The following MAGEB3 variants were observed in gnomAD, a reference collection of about 807,000 sequenced individuals.
MAGEB3 encodes melanoma-associated antigen B3.
For missense variants in MAGEB3, 191 were observed against 262.4 expected (o/e 0.73, Z 1.88); for synonymous variants, 91 against 93.0 (o/e 0.98, Z 0.12).
intron 1 of MAGEB3, among the ~76,000 whole-genome samples, chrX:30,231,092 C>G (rs1175623917): frequency 1.9e-5 from 2 of 107,515 alleles, no homozygotes; most frequent in African/African-American, 6.8e-5. Context: ...GGCGAGTGAA[C>G]TGTTTGGGCC....
chrX:30,236,276 T>C lies in MAGEB3; in HGVS notation c.352T>C (p.Leu118=), dbSNP rs1288642714. 3.3e-6 allele frequency: 4 copies of C among 1,208,074 alleles called. No individual in the cohort carries two copies. In the Admixed American group the frequency reaches 8.8e-5, roughly 26 times the overall value. Residue 118 remains leucine, a synonymous_variant, in exon 5 of 5, where the codon TTG becomes CTG. Coordinates refer to ENST00000361644, the MANE Select transcript of MAGEB3 (RefSeq NM_002365.5). The part of the protein sequence containing the change: ...TDPLIMKTNM[L]VQFLMEMYKM... ...CCCTCTAATCATGAAGACAAATATG[T>C]TGGTGCAGTTCCTGATGGAAATGTA...
chrX:30,233,216 A>G (rs757547924), intron 3 of MAGEB3, 46 bp from the exon 4 acceptor site: 23 of 100,635 alleles, frequency 2.3e-4, no homozygotes, highest in South Asian at 2.0e-3. Flanking sequence ...AAATAAATAA[A>G]TAAATAAATA....
At chrX:30,235,461 C>T (rs910180237) in intron 4 of MAGEB3, among the ~76,000 whole-genome samples, 2 of 111,199 alleles carry the variant, frequency 1.8e-5, no homozygotes, top group Non-Finnish European at 3.8e-5. Flanking sequence ...CATTCCTTCA[C>T]CTCCTCTTAG....
chrX:30,235,457 T>C (rs981350471), intron 4 of MAGEB3, among the ~76,000 whole-genome samples: 1 of 111,205 alleles, frequency 9.0e-6, no homozygotes, highest in Admixed American at 9.5e-5. Context: ...GAGACATTCC[T>C]TCACCTCCTC....
At position 30,237,346 on chromosome X, in the gene MAGEB3, A is replaced by G. The variant is rs1200226291; in HGVS notation, c.*381A>G. ...GCAGTAAAATGTATGGCATTAAGAA[A>G]TAGAGAAAGAGTGTAAGATGGTCAA... On this transcript the variant is annotated 3_prime_UTR_variant, in exon 5 of 5. Coordinates refer to ENST00000361644, the MANE Select transcript of MAGEB3 (RefSeq NM_002365.5). 2 of 149,991 alleles carry G rather than the reference A, an allele frequency of 1.3e-5. No homozygotes were observed. The highest frequency in any genetic ancestry group is 1.7e-4 in the Admixed American group (2 of 12,111). The allele number at this position is 149,991 out of a possible 1,213,427, so 12.4% of individuals were successfully genotyped here.
Position 30,236,763 on chromosome X carries a change from A to G in MAGEB3, c.839A>G (p.His280Arg). Residue 280 changes from histidine (H) to arginine (R), a missense_variant, in exon 5 of 5, where the codon CAT becomes CGT. By Grantham distance (29) the His-to-Arg change is conservative (BLOSUM62 0). Coordinates refer to ENST00000361644, the MANE Select transcript of MAGEB3 (RefSeq NM_002365.5). ...GAATTCCTGTGGGGTCCAAGAGCCC[A>G]TGCTGAAACCAGCAAGATGAAGGTC... The part of the protein sequence containing the change: ...RYEFLWGPRA[H>R]AETSKMKVLE... 4 of 1,212,330 alleles carry G rather than the reference A, an allele frequency of 3.3e-6. No individual in the cohort carries two copies. The highest frequency in any genetic ancestry group is 4.5e-6 in the Non-Finnish European group (4 of 895,612).
intron 1 of MAGEB3, 54 bp from the exon 2 acceptor site, chrX:30,231,463 C>G (rs1466896186): frequency 9.3e-6 from 1 of 107,517 alleles, no homozygotes; most frequent in Non-Finnish European, 1.9e-5. Context: ...GAGCGAGACT[C>G]CATCTCAAAA....
chrX:30,231,699 A>AAAAAAAAAAG (rs762516091), intron 2 of MAGEB3, 81 bp downstream of exon 2: 2 of 69,288 alleles, frequency 2.9e-5, no homozygotes, highest in Non-Finnish European at 5.5e-5. Flanking sequence ...AAAAAAAAAA[A>AAAAAAAAAAG]AAAGAAAGAA....
chrX:30,237,441 GCTTA>G lies in MAGEB3; in HGVS notation c.*481_*484del, dbSNP rs1290959114. 8.0e-6 allele frequency: 1 copy of G among 124,439 alleles called. No individual in the cohort carries two copies. Among genetic ancestry groups the G allele is most frequent in the Non-Finnish European group, 1.8e-5 (1 of 54,299 alleles). 10.3% of individuals were successfully genotyped at this position (124,439 alleles called of 1,213,427 possible). A position where few individuals can be genotyped will look rare whatever the true frequency, so the allele number is the denominator to read the frequency against. On this transcript the variant is annotated 3_prime_UTR_variant, in exon 5 of 5. Coordinates refer to ENST00000361644, the MANE Select transcript of MAGEB3 (RefSeq NM_002365.5). ...AAAGATAAATAACCATATATGTCTG[GCTTA>G]CTTAAGAATGTAGAATTAAATCATA...
At chrX:30,231,791 T>C (rs1289861920) in intron 2 of MAGEB3, among the ~76,000 whole-genome samples, 173 bp downstream of exon 2, 1 of 106,271 alleles carries the variant, frequency 9.4e-6, no homozygotes, top group African/African-American at 3.5e-5. Flanking sequence ...GCCCTAACCC[T>C]GTTTCAGGTC....
intron 4 of MAGEB3, among the ~76,000 whole-genome samples, chrX:30,233,639 G>A (rs1924892054): frequency 1.8e-5 from 2 of 108,228 alleles, no homozygotes; most frequent in African/African-American, 6.7e-5. Context: ...GCTCAGTAGA[G>A]GTGTTACTCT....
chrX:30,231,629 A>G lies in MAGEB3; in HGVS notation c.-254+11A>G, dbSNP rs1042249710. On this transcript the variant is annotated intron_variant, in intron 2 of 4. Transcript: ENST00000361644. ...GAGGTGGAGGTTGTGGTAAGTCAAG[A>G]TTGCGCGGCTACACTCCAGCCTGGA... The G allele has an allele frequency of 4.8e-5, 4 of 83,987 alleles. No individual in the cohort carries two copies. Among genetic ancestry groups the G allele is most frequent in the Non-Finnish European group, 9.0e-5 (4 of 44,652 alleles). 6.9% of individuals were successfully genotyped at this position (83,987 alleles called of 1,213,427 possible).
intron 1 of MAGEB3, among the ~76,000 whole-genome samples, chrX:30,231,200 C>T (rs1248171132): frequency 9.3e-6 from 1 of 107,138 alleles, no homozygotes; most frequent in Non-Finnish European, 1.9e-5. Flanking sequence ...CCCCTGTAGT[C>T]CCAGCTACCC....
At position 30,236,733 on chromosome X, in the gene MAGEB3, G is replaced by T; in HGVS notation, c.809G>T (p.Arg270Leu). ...YRQVPNSNPA[R>L]YEFLWGPRAH... ...CAAGTGCCCAACAGTAATCCTGCACGCTATGAATTCCTGTGGGGTCCAAGA... is the reference window on the plus strand; with the variant it reads ...CAAGTGCCCAACAGTAATCCTGCACTCTATGAATTCCTGTGGGGTCCAAGA... Residue 270 changes from arginine to leucine, a missense_variant, in exon 5 of 5, where the codon CGC becomes CTC. Arg to Leu is a moderately radical substitution (Grantham distance 102). Transcript: ENST00000361644. 2 of 1,212,173 alleles carry T rather than the reference G, an allele frequency of 1.6e-6. No homozygotes were observed. The highest frequency in any genetic ancestry group is 5.9e-5 in the East Asian group (2 of 33,873).
At chrX:30,231,041 C>A (rs1028532722) in intron 1 of MAGEB3, among the ~76,000 whole-genome samples, 1 of 109,763 alleles carries the variant, frequency 9.1e-6, no homozygotes, top group African/African-American at 3.3e-5. Context: ...CAAGCCGGTG[C>A]GGCATCTCAG....
chrX:30,236,163 A>C lies in MAGEB3; in HGVS notation c.239A>C (p.Lys80Thr), dbSNP rs1205123269. The change falls in exon 5 of 5, where the codon AAA becomes ACA. Residue 80 changes from lysine to threonine, a missense_variant. Transcript: ENST00000361644. ...ACTACATCTGTAGATGTTTCTTACA[A>C]AAAGTCATACAAGGGAGCCAACAGC... ...STTTSVDVSY[K>T]KSYKGANSKI... 3 of 1,208,051 alleles carry C rather than the reference A, an allele frequency of 2.5e-6. No individual in the cohort carries two copies. The highest frequency in any genetic ancestry group is 3.4e-6 in the Non-Finnish European group (3 of 894,294).
At chrX:30,232,339 G>A (rs189722766) in intron 2 of MAGEB3, among the ~76,000 whole-genome samples, 4 of 111,567 alleles carry the variant, frequency 3.6e-5, no homozygotes, top group African/African-American at 9.8e-5. Flanking sequence ...AGACCAAGCC[G>A]GTACGGCGTC....
intron 3 of MAGEB3, 31 bp from the exon 4 acceptor site, chrX:30,233,227 AATAG>A (rs201588970): frequency 1.0e-5 from 1 of 96,008 alleles, no homozygotes; most frequent in African/African-American, 3.9e-5. Context: ...TAAATAAATA[AATAG>A]ATATAAACTT....
In MAGEB3 at chrX:30,236,765, G is replaced by A; in HGVS notation, c.841G>A (p.Ala281Thr). ...ATTCCTGTGGGGTCCAAGAGCCCATGCTGAAACCAGCAAGATGAAGGTCCT... is the reference window on the plus strand; with the variant it reads ...ATTCCTGTGGGGTCCAAGAGCCCATACTGAAACCAGCAAGATGAAGGTCCT... ...YEFLWGPRAH[A>T]ETSKMKVLEF... is the part of the protein sequence containing the mutation. Residue 281 changes from alanine (A) to threonine (T), a missense_variant, in exon 5 of 5, where the codon GCT becomes ACT. Transcript: ENST00000361644. 1 of 1,212,167 alleles carries A rather than the reference G, an allele frequency of 8.2e-7. No individual in the cohort carries two copies. Among genetic ancestry groups the A allele is most frequent in the African/African-American group, 1.7e-5 (1 of 57,903 alleles).
Sources: gnomAD v4.1 joint callset for allele counts (sites outside exome capture counted in the v4.1 genomes callset) on GRCh38, gnomAD v4.1.1 for gene constraint, MANE v1.5 for transcripts, NCBI Gene and HGNC (gene_info 2026-07-23, HGNC 2026-07-21) for gene names.